The following ZNF407 variants were observed in gnomAD, a reference collection of about 807,000 sequenced individuals.
The protein encoded by ZNF407 is zinc finger protein 407.
Under a neutral mutation model 131.2 loss-of-function variants are expected in ZNF407, and 17 were observed. That is an observed-to-expected ratio of 0.13 (90% CI 0.09 to 0.19). The LOEUF (loss-of-function observed/expected upper bound fraction) is 0.19, where lower values mean the gene tolerates loss of function less well. Ranked by LOEUF, ZNF407 falls within the 10% of genes least tolerant of loss-of-function variation. ZNF407 has a pLI of 1.00. For synonymous variants in ZNF407, 1,156 were observed against 1,062.0 expected, an observed-to-expected ratio of 1.09 and a Z score of -1.72; for missense variants, 2,681 against 2,830.6, an observed-to-expected ratio of 0.95 and a Z score of 1.20.
At chr18:74,755,771 T>TTCTTTCTTTC (rs1265035731) in intron 3 of ZNF407, among the ~76,000 whole-genome samples, 60 of 130,580 alleles carry the variant, frequency 4.6e-4, no homozygotes, top group Middle Eastern at 4.1e-3. Flanking sequence ...CTTTCTTTCT[T>TTCTTTCTTTC]TCTCTCTCTC....
intron 3 of ZNF407, among the ~76,000 whole-genome samples, chr18:74,765,999 G>A (rs901042816): frequency 4.0e-5 from 6 of 148,248 alleles, no homozygotes; most frequent in Non-Finnish European, 7.4e-5. Context: ...TGTGATATAC[G>A]CATATTACTC....
intron 3 of ZNF407, among the ~76,000 whole-genome samples, chr18:74,755,728 CCTTTCTTTCTTTCTTTCTTT>C (rs765042437): frequency 3.0e-4 from 19 of 63,480 alleles, no homozygotes; most frequent in African/African-American, 1.1e-3. Flanking sequence ...TTCTTTCTTT[CCTTTCTTTCTTTCTTTCTTT>C]CTTTCTTTCT....
chr18:74,785,121 T>G (rs1345187818), intron 4 of ZNF407, among the ~76,000 whole-genome samples: 3 of 152,256 alleles, frequency 2.0e-5, no homozygotes, highest in Non-Finnish European at 4.4e-5. Context: ...GTATAAGCGT[T>G]AAATAATTTC....
intron 8 of ZNF407, among the ~76,000 whole-genome samples, chr18:75,023,540 C>T (rs1395329672): frequency 2.0e-5 from 3 of 152,202 alleles, no homozygotes; most frequent in African/African-American, 7.2e-5. Context: ...GAGACTGAAT[C>T]AGCCAAATTC....
chr18:74,980,822 G>A (rs1274216086), intron 8 of ZNF407, among the ~76,000 whole-genome samples: 1 of 152,200 alleles, frequency 6.6e-6, no homozygotes, highest in Non-Finnish European at 1.5e-5. Flanking sequence ...GCAGAGGAAA[G>A]AAAGGGAGCA....
At chr18:74,992,603 C>T (rs1225048841) in intron 8 of ZNF407, among the ~76,000 whole-genome samples, 1 of 152,182 alleles carries the variant, frequency 6.6e-6, no homozygotes, top group African/African-American at 2.4e-5. Context: ...GGGCTGTGAG[C>T]GTCACGGAAG....
At chr18:74,698,162 C>T (rs1274590118) in intron 3 of ZNF407, among the ~76,000 whole-genome samples, 4 of 152,170 alleles carry the variant, frequency 2.6e-5, no homozygotes, top group Admixed American at 1.3e-4. Flanking sequence ...GGATATAAAT[C>T]ATAATCCTGA....
In ZNF407 at chr18:74,920,619, G is replaced by A. The variant is rs368570511; in HGVS notation, c.5355G>A (p.Pro1785=). 1.8e-5 allele frequency: 29 copies of A among 1,611,286 alleles called. No homozygotes were observed. The highest frequency in any genetic ancestry group is 1.6e-4 in the Middle Eastern group (1 of 6,066). The change falls in exon 8 of 9, where the codon CCG becomes CCA. Residue 1785 remains proline (P), a synonymous_variant. Coordinates refer to ENST00000299687, the MANE Select transcript of ZNF407 (RefSeq NM_017757.3). The part of the protein sequence containing the change: ...CPKCDYGTNV[P]VEFRNHLKEQ... ...AGTGTGACTACGGGACCAACGTCCC[G>A]GTGGAGTTCCGGAACCATTTGAAGG... is the stretch of plus-strand genomic sequence containing the variant.
At chr18:74,974,859 C>T (rs1340938810) in intron 8 of ZNF407, among the ~76,000 whole-genome samples, 4 of 152,186 alleles carry the variant, frequency 2.6e-5, no homozygotes, top group Non-Finnish European at 5.9e-5. Flanking sequence ...TTACAGCTCT[C>T]GAGATTCTTC....
chr18:74,746,586 A>T (rs1968673244), intron 3 of ZNF407, among the ~76,000 whole-genome samples: 1 of 151,962 alleles, frequency 6.6e-6, no homozygotes, highest in South Asian at 2.1e-4. Flanking sequence ...CTTTTTTGTT[A>T]AAAACTGTGA....
chr18:74,630,512 T>G (rs1984009207), intron 1 of ZNF407, among the ~76,000 whole-genome samples: 1 of 152,168 alleles, frequency 6.6e-6, no homozygotes, highest in African/African-American at 2.4e-5. Flanking sequence ...ACATAGGACT[T>G]GGGCTTCTGT....
chr18:74,705,224 A>G (rs910660127), intron 3 of ZNF407, among the ~76,000 whole-genome samples: 1 of 151,670 alleles, frequency 6.6e-6, no homozygotes, highest in Non-Finnish European at 1.5e-5. Flanking sequence ...AGGTAGGTAG[A>G]TTTCACTTTT....
At position 74,886,793 on chromosome 18, in the gene ZNF407, GTTCA is replaced by G. The variant is rs560987067; in HGVS notation, c.5129-3122_5129-3119del. 2.6e-3 allele frequency among the ~76,000 whole-genome samples: 391 copies of G among 152,286 alleles called. 2 individuals are homozygous for G. The highest frequency in any genetic ancestry group is 0.024 in the Middle Eastern group (7 of 294). On this transcript the variant is annotated intron_variant, in intron 6 of 8. Coordinates refer to ENST00000299687, the MANE Select transcript of ZNF407 (RefSeq NM_017757.3). ...GAGTCTTTTTGGGGGTGATGGTTGTGTTCATTGTCTTGATGGTGGCAGAGTTTCA... is the reference window on the plus strand; with the variant it reads ...GAGTCTTTTTGGGGGTGATGGTTGTGTTGTCTTGATGGTGGCAGAGTTTCA...
chr18:74,860,873 T>C (rs975499790), intron 4 of ZNF407, among the ~76,000 whole-genome samples: 1 of 152,304 alleles, frequency 6.6e-6, no homozygotes, highest in Non-Finnish European at 1.5e-5. Context: ...GTAACACTTA[T>C]GTATTACCAT....
chr18:74,885,631 A>G (rs1332988780), intron 6 of ZNF407, among the ~76,000 whole-genome samples: 3 of 152,182 alleles, frequency 2.0e-5, no homozygotes, highest in South Asian at 4.1e-4. Flanking sequence ...AGACAGACAA[A>G]TGTTTATTAG....
chr18:74,760,129 C>T (rs893699925), intron 3 of ZNF407, among the ~76,000 whole-genome samples: 2 of 152,068 alleles, frequency 1.3e-5, no homozygotes, highest in Admixed American at 6.6e-5. Context: ...TATTTTGTAA[C>T]GTCTGTATTC....
At chr18:74,600,876 C>A (rs1365943031) in intron 1 of ZNF407, among the ~76,000 whole-genome samples, 1 of 152,138 alleles carries the variant, frequency 6.6e-6, no homozygotes, top group African/African-American at 2.4e-5. Context: ...GACATGTACA[C>A]CCTTTTGCTT....
chr18:74,800,529 G>A (rs1970001775), intron 4 of ZNF407, among the ~76,000 whole-genome samples: 1 of 151,876 alleles, frequency 6.6e-6, no homozygotes, highest in African/African-American at 2.4e-5. Context: ...TTAACCTCTT[G>A]CCTCTTAAAA....
chr18:74,965,653 A>G (rs553325219), intron 8 of ZNF407, among the ~76,000 whole-genome samples: 23 of 152,182 alleles, frequency 1.5e-4, no homozygotes, highest in Admixed American at 3.3e-4. Context: ...TGATGTATGG[A>G]TTACCTTTAT....
Sources: gnomAD v4.1 joint callset for allele counts (sites outside exome capture counted in the v4.1 genomes callset) on GRCh38, gnomAD v4.1.1 for gene constraint, MANE v1.5 for transcripts, NCBI Gene and HGNC (gene_info 2026-07-23, HGNC 2026-07-21) for gene names.